The following JAZF1 variants were observed in gnomAD, a reference collection of about 807,000 sequenced individuals.
JAZF1 encodes juxtaposed with another zinc finger protein 1.
A neutral mutation model predicts 26.4 loss-of-function variants in JAZF1; 8 were observed. That is an observed-to-expected ratio of 0.30 (90% CI 0.18 to 0.55). The LOEUF is 0.55. Among genes scored for constraint, JAZF1 ranks in the 20% least tolerant of loss-of-function variants. The pLI is 0.94. For synonymous variants in JAZF1, 126 were observed against 122.3 expected (o/e 1.03, Z -0.20); for missense variants, 199 against 322.0 (o/e 0.62, Z 2.92).
chr7:28,115,848 C>T (rs999543084), intron 1 of JAZF1, among the ~76,000 whole-genome samples: 4 of 152,118 alleles, frequency 2.6e-5, no homozygotes, highest in Admixed American at 6.5e-5. Context: ...GATATGACTA[C>T]AGACTCATAT....
chr7:27,906,494 T>C (rs887399781), intron 2 of JAZF1, among the ~76,000 whole-genome samples: 1 of 152,236 alleles, frequency 6.6e-6, no homozygotes, highest in Admixed American at 6.5e-5. Context: ...CCAACAAATA[T>C]TGTATATTTT....
chr7:27,944,346 G>A (rs1173364685), intron 2 of JAZF1, among the ~76,000 whole-genome samples: 1 of 152,190 alleles, frequency 6.6e-6, no homozygotes, highest in Non-Finnish European at 1.5e-5. Context: ...AATGGCCTTC[G>A]CTTGCTTGCA....
Position 27,831,223 on chromosome 7 carries a change from G to C in JAZF1, c.*1577C>G. The stretch of plus-strand genomic sequence containing the variant: ...AAGGATTTTAGAACTTATGAATATA[G>C]AGGTTTACTCATCTAACAAACAGAA... On this transcript the variant is annotated 3_prime_UTR_variant, in exon 5 of 5. Transcript: ENST00000283928. 1 of 223,984 alleles carries C rather than the reference G, an allele frequency of 4.5e-6. No homozygotes were observed. The highest frequency in any genetic ancestry group is 8.9e-6 in the Non-Finnish European group (1 of 111,990). 13.9% of individuals were successfully genotyped at this position (223,984 alleles called of 1,614,324 possible). A position where few individuals can be genotyped will look rare whatever the true frequency, so the allele number is the denominator to read the frequency against.
At chr7:27,886,886 G>A (rs1398075103) in intron 3 of JAZF1, among the ~76,000 whole-genome samples, 1 of 152,216 alleles carries the variant, frequency 6.6e-6, no homozygotes, top group Non-Finnish European at 1.5e-5. Context: ...TAAAGAAAAT[G>A]TGGTACGTAT....
At chr7:27,969,836 G>A (rs1282746819) in intron 2 of JAZF1, among the ~76,000 whole-genome samples, 3 of 152,312 alleles carry the variant, frequency 2.0e-5, no homozygotes, top group Non-Finnish European at 4.4e-5. Context: ...CCTTGCCTTG[G>A]CCATGCCTTG....
chr7:27,933,164 T>C (rs984782262), intron 2 of JAZF1, among the ~76,000 whole-genome samples: 1 of 152,184 alleles, frequency 6.6e-6, no homozygotes, highest in Non-Finnish European at 1.5e-5. Context: ...ATTTTTAAAA[T>C]AATGCTCTGA....
At chr7:28,122,335 C>T (rs12666134) in intron 1 of JAZF1, among the ~76,000 whole-genome samples, 6,864 of 152,232 alleles carry the variant, frequency 0.045, 396 homozygotes, top group East Asian at 0.22. Context: ...CCAATCCAGG[C>T]TCCTACCATG....
intron 3 of JAZF1, among the ~76,000 whole-genome samples, chr7:27,845,683 C>T (rs11984239): frequency 0.1 from 13,015 of 128,704 alleles, 867 homozygotes; most frequent in African/African-American, 0.21. Context: ...GGCAATAGGG[C>T]GAGACTCTGC....
intron 1 of JAZF1, among the ~76,000 whole-genome samples, chr7:28,121,954 T>C (rs1000042667): frequency 6.6e-6 from 1 of 152,230 alleles, no homozygotes; most frequent in African/African-American, 2.4e-5. Context: ...AGAGGATAGT[T>C]TGGTGCCAAT....
Position 27,832,742 on chromosome 7 carries a change from T to A in JAZF1, c.*58A>T. ...AATGCTTCCCCTGAAAAAAGGTGGC[T>A]GTTTTCAAAATCAGCAACTGCTGGT... On this transcript the variant is annotated 3_prime_UTR_variant, in exon 5 of 5. Coordinates refer to ENST00000283928, the MANE Select transcript of JAZF1 (RefSeq NM_175061.4). 7.3e-7 allele frequency: 1 copy of A among 1,361,878 alleles called. No homozygotes were observed. Among genetic ancestry groups the A allele is most frequent in the Non-Finnish European group, 9.7e-7 (1 of 1,026,040 alleles). 84.4% of individuals were successfully genotyped at this position (1,361,878 alleles called of 1,614,324 possible).
At chr7:27,833,092 TC>T (rs1782739683) in intron 4 of JAZF1, 116 bp from the exon 5 acceptor site, 5 of 756,282 alleles carry the variant, frequency 6.6e-6, no homozygotes, top group Middle Eastern at 3.9e-4. Flanking sequence ...TAGAGTGTAG[TC>T]TTTTGCAAGG....
chr7:27,924,582 T>G (rs769466578), intron 2 of JAZF1, among the ~76,000 whole-genome samples: 3 of 152,242 alleles, frequency 2.0e-5, no homozygotes, highest in African/African-American at 7.2e-5. Flanking sequence ...ATTTTCATTT[T>G]TCTAAAGCTG....
chr7:27,853,148 T>C (rs1475481914), intron 3 of JAZF1, among the ~76,000 whole-genome samples: 1 of 152,214 alleles, frequency 6.6e-6, no homozygotes, highest in South Asian at 2.1e-4. Flanking sequence ...TTTTGGGGTA[T>C]CTACTGATTT....
chr7:27,844,557 GC>G (rs1176787570), intron 3 of JAZF1: 1 of 152,154 alleles, frequency 6.6e-6, no homozygotes, highest in Non-Finnish European at 1.5e-5. Context: ...CACGAGCACT[GC>G]CCCGACTATG....
chr7:28,114,605 T>C (rs1784713237), intron 1 of JAZF1, among the ~76,000 whole-genome samples: 1 of 151,580 alleles, frequency 6.6e-6, no homozygotes, highest in Admixed American at 6.6e-5. Context: ...GGTTTTTTTT[T>C]TTTTCTTTCT....
chr7:28,162,581 C>T (rs1783310670), intron 1 of JAZF1, among the ~76,000 whole-genome samples: 1 of 152,206 alleles, frequency 6.6e-6, no homozygotes, highest in Non-Finnish European at 1.5e-5. Flanking sequence ...ATGGTAAGAT[C>T]ATGGTCACAA....
chr7:28,034,656 G>GT (rs1355225637), intron 1 of JAZF1, among the ~76,000 whole-genome samples: 2 of 152,158 alleles, frequency 1.3e-5, no homozygotes, highest in Non-Finnish European at 2.9e-5. Context: ...GCCAAACTGT[G>GT]TAAGTGACTT....
At chr7:27,935,893 C>T (rs550529189) in intron 2 of JAZF1, among the ~76,000 whole-genome samples, 1 of 152,268 alleles carries the variant, frequency 6.6e-6, no homozygotes, top group African/African-American at 2.4e-5. Context: ...AGAAGTGGGA[C>T]CAGGAGCTGG....
intron 1 of JAZF1, among the ~76,000 whole-genome samples, chr7:28,155,664 G>C (rs554110051): frequency 6.6e-6 from 1 of 152,284 alleles, no homozygotes; most frequent in South Asian, 2.1e-4. Context: ...TGCCCATTCA[G>C]CAACTACAAC....
Sources: allele counts gnomAD v4.1 joint callset (sites outside exome capture counted in the v4.1 genomes callset), GRCh38; gene constraint gnomAD v4.1.1; transcripts MANE v1.5; gene names NCBI Gene and HGNC (gene_info 2026-07-23, HGNC 2026-07-21).